Variants in LRRC37A2 observed in about 807,000 individuals in gnomAD.
The protein encoded by LRRC37A2 is leucine-rich repeat-containing protein 37A2.
Under a neutral mutation model 68.8 loss-of-function variants are expected in LRRC37A2, and 9 were observed. The observed-to-expected ratio is 0.13, with a 90% CI of 0.08 to 0.23. The LOEUF (loss-of-function observed/expected upper bound fraction) is 0.23. Ranked by LOEUF, LRRC37A2 falls within the 10% of genes least tolerant of loss-of-function variation. The pLI, the probability that LRRC37A2 is intolerant of heterozygous loss-of-function variation, is 1.00. For missense variants in LRRC37A2, 168 were observed against 950.4 expected, an observed-to-expected ratio of 0.18 and a Z score of 10.82; for synonymous variants, 63 against 367.6, an observed-to-expected ratio of 0.17 and a Z score of 9.48.
chr17:46,801,522 G>A, the LRRC37A2 span, among the ~76,000 whole-genome samples: 3 of 152,246 alleles, frequency 2.0e-5, no homozygotes, highest in East Asian at 1.9e-4. Context: ...TGGGAGGCTG[G>A]GGCAGGAGAA....
At chr17:46,758,673 T>C in the LRRC37A2 span, among the ~76,000 whole-genome samples, 1 of 152,224 alleles carries the variant, frequency 6.6e-6, no homozygotes, top group African/African-American at 2.4e-5. Flanking sequence ...AGAAATATGT[T>C]TTTACTTTAA....
chr17:46,927,595 C>T, the LRRC37A2 span, among the ~76,000 whole-genome samples: 1 of 152,160 alleles, frequency 6.6e-6, no homozygotes, highest in Admixed American at 6.5e-5. Context: ...TTTTTCTGTA[C>T]GGGTAACAAA....
the LRRC37A2 span, chr17:46,768,934 G>C: frequency 7.4e-7 from 1 of 1,355,100 alleles, no homozygotes; most frequent in Non-Finnish European, 9.9e-7. This position sits in a 1 kb window ranked among gnomAD's most constrained non-coding sequence, Gnocchi z 5.0. Flanking sequence ...AGAACTGATG[G>C]GGACTGAGGC....
the LRRC37A2 span, among the ~76,000 whole-genome samples, chr17:46,779,305 G>A: frequency 8.9e-4 from 136 of 152,338 alleles, no homozygotes; most frequent in African/African-American, 3.1e-3. Flanking sequence ...GATCTGAGAT[G>A]ATGGCCAGGC....
the LRRC37A2 span, among the ~76,000 whole-genome samples, chr17:46,838,838 A>G: frequency 6.6e-6 from 1 of 152,104 alleles, no homozygotes; most frequent in African/African-American, 2.4e-5. Context: ...ATTACTCACC[A>G]TATAAAATGG....
the LRRC37A2 span, among the ~76,000 whole-genome samples, chr17:46,866,339 TA>T: frequency 6.6e-6 from 1 of 151,960 alleles, no homozygotes; most frequent in Non-Finnish European, 1.5e-5. Flanking sequence ...CAGGAGGGGC[TA>T]GGGGTGTGTG....
At chr17:46,801,242 G>A in the LRRC37A2 span, among the ~76,000 whole-genome samples, 3 of 152,208 alleles carry the variant, frequency 2.0e-5, no homozygotes, top group African/African-American at 7.2e-5. Flanking sequence ...AGGAGCGGGT[G>A]CAGGGCGGCA....
the LRRC37A2 span, among the ~76,000 whole-genome samples, chr17:46,827,766 A>G: frequency 6.6e-6 from 1 of 150,448 alleles, no homozygotes; most frequent in Admixed American, 6.6e-5. Flanking sequence ...GAGTGTTAGG[A>G]TTTCTTTTTC....
At chr17:46,745,430 A>G in the LRRC37A2 span, among the ~76,000 whole-genome samples, 1 of 152,234 alleles carries the variant, frequency 6.6e-6, no homozygotes, top group Admixed American at 6.5e-5. Context: ...AACAAGAAGG[A>G]AAGCAAAACA....
chr17:46,835,465 C>G, the LRRC37A2 span, among the ~76,000 whole-genome samples: 1 of 152,212 alleles, frequency 6.6e-6, no homozygotes, highest in Admixed American at 6.5e-5. Context: ...CCCACCTCGG[C>G]CTCTCAAAGT....
chr17:46,896,414 G>GAA, the LRRC37A2 span, among the ~76,000 whole-genome samples: 1 of 82,776 alleles, frequency 1.2e-5, no homozygotes, highest in South Asian at 4.3e-4. Flanking sequence ...AAGAAAGAAA[G>GAA]AAAGAAAGAA....
At chr17:46,769,792 C>T in the LRRC37A2 span, 6 of 1,611,384 alleles carry the variant, frequency 3.7e-6, no homozygotes, top group South Asian at 1.1e-5. Context: ...CCGTGCGGCC[C>T]GCCTCGTTGT....
At chr17:46,871,371 T>C in the LRRC37A2 span, among the ~76,000 whole-genome samples, 1 of 152,300 alleles carries the variant, frequency 6.6e-6, no homozygotes, top group South Asian at 2.1e-4. Flanking sequence ...AGAGAGCTTC[T>C]GGGAAGAGGG....
the LRRC37A2 span, among the ~76,000 whole-genome samples, chr17:47,037,868 T>C: frequency 6.6e-6 from 1 of 152,276 alleles, no homozygotes; most frequent in African/African-American, 2.4e-5. Flanking sequence ...TTCATATCTT[T>C]CTGGTAATGT....
the LRRC37A2 span, among the ~76,000 whole-genome samples, chr17:46,902,057 C>T: frequency 3.3e-5 from 5 of 152,294 alleles, no homozygotes; most frequent in East Asian, 3.9e-4. Context: ...ATCCACCCAC[C>T]TTGGCCTCCC....
At chr17:46,568,984 C>G in the LRRC37A2 span, among the ~76,000 whole-genome samples, 4 of 130,596 alleles carry the variant, frequency 3.1e-5, no homozygotes, top group East Asian at 6.4e-4. Context: ...GCCCTGTCGC[C>G]CAGGCTGGGG....
chr17:46,439,232 GT>G, the LRRC37A2 span, among the ~76,000 whole-genome samples: 1 of 72,176 alleles, frequency 1.4e-5, no homozygotes, highest in African/African-American at 5.6e-5. Flanking sequence ...TATAGTTGTA[GT>G]AATGCATGTT....
At chr17:46,678,938 A>G in the LRRC37A2 span, among the ~76,000 whole-genome samples, 6 of 148,274 alleles carry the variant, frequency 4.0e-5, no homozygotes, top group South Asian at 8.7e-4. Flanking sequence ...ATATAATGGA[A>G]TACAAGGCAG....
At chr17:46,788,836 C>A in the LRRC37A2 span, among the ~76,000 whole-genome samples, 1 of 152,210 alleles carries the variant, frequency 6.6e-6, no homozygotes, top group East Asian at 1.9e-4. Flanking sequence ...CCAGATCCCA[C>A]AGGCTGTCTC....
Sources: gnomAD v4.1 joint callset for allele counts (sites outside exome capture counted in the v4.1 genomes callset) on GRCh38, gnomAD v4.1.1 for gene constraint, Gnocchi (gnomAD v3.1) non-coding constraint, MANE v1.5 for transcripts, NCBI Gene and HGNC (gene_info 2026-07-23, HGNC 2026-07-21) for gene names.